SGCD: variants seen among roughly 807,000 people sequenced by gnomAD.
SGCD encodes sarcoglycan delta.
A neutral mutation model predicts 36.6 loss-of-function variants in SGCD; 18 were observed. The ratio of observed to expected loss-of-function variants is 0.49; its 90% CI spans 0.34 to 0.73. The LOEUF is 0.73. Ranked by LOEUF, SGCD falls within the 30% of genes least tolerant of loss-of-function variation. The pLI is 0.01. For missense variants in SGCD, 387 were observed against 346.7 expected, an observed-to-expected ratio of 1.12 and a Z score of -0.92; for synonymous variants, 133 against 130.6, an observed-to-expected ratio of 1.02 and a Z score of -0.12.
intron 3 of SGCD, among the ~76,000 whole-genome samples, chr5:156,264,234 C>A (rs954083459): frequency 6.6e-6 from 1 of 151,982 alleles, no homozygotes. Context: ...TGAAAGTGAA[C>A]CTTCAAGTCC....
chr5:156,534,915 A>G (rs913323578), intron 4 of SGCD, among the ~76,000 whole-genome samples: 11 of 152,190 alleles, frequency 7.2e-5, no homozygotes, highest in African/African-American at 2.7e-4. Context: ...AAAAGTATCA[A>G]TGGATTGGTA....
intron 3 of SGCD, among the ~76,000 whole-genome samples, chr5:156,487,077 G>A (rs529196980): frequency 6.9e-4 from 105 of 152,126 alleles, no homozygotes; most frequent in African/African-American, 2.5e-3. Flanking sequence ...CACCAGAGGT[G>A]GTATATGCTG....
intron 3 of SGCD, among the ~76,000 whole-genome samples, chr5:156,304,636 C>A (rs1232401540): frequency 6.6e-6 from 1 of 152,048 alleles, no homozygotes; most frequent in Non-Finnish European, 1.5e-5. Context: ...TGAAAAGATA[C>A]CCAAAAATGT....
chr5:156,379,381 C>T (rs1470580719), intron 3 of SGCD, among the ~76,000 whole-genome samples: 1 of 152,042 alleles, frequency 6.6e-6, no homozygotes, highest in African/African-American at 2.4e-5. Context: ...CATGTCTGGG[C>T]AGAGAGGATC....
intron 1 of SGCD, among the ~76,000 whole-genome samples, chr5:156,070,746 G>A (rs1284904656): frequency 6.6e-6 from 1 of 152,120 alleles, no homozygotes; most frequent in African/African-American, 2.4e-5. Flanking sequence ...ATTCGGCTGT[G>A]AATCCATCTG....
chr5:155,794,753 C>G, the SGCD span, among the ~76,000 whole-genome samples: 1 of 151,910 alleles, frequency 6.6e-6, no homozygotes, highest in Non-Finnish European at 1.5e-5. Context: ...GTGGCAGAAT[C>G]AATATTCAAA....
chr5:156,609,705 T>C (rs1761684268), intron 6 of SGCD, among the ~76,000 whole-genome samples: 1 of 152,240 alleles, frequency 6.6e-6, no homozygotes, highest in South Asian at 2.1e-4. Context: ...ATTTGGTCTT[T>C]TCACATAGTC....
chr5:156,288,017 A>C (rs919757858), intron 3 of SGCD, among the ~76,000 whole-genome samples: 1 of 152,216 alleles, frequency 6.6e-6, no homozygotes, highest in Non-Finnish European at 1.5e-5. Context: ...GTTAGAATAC[A>C]TTCTCAAAAC....
chr5:155,842,198 A>C, the SGCD span, among the ~76,000 whole-genome samples: 1 of 151,122 alleles, frequency 6.6e-6, no homozygotes, highest in Non-Finnish European at 1.5e-5. Flanking sequence ...ACTTGATCAT[A>C]TGAGCCAGAA....
chr5:156,513,936 CA>C (rs1757047574), intron 4 of SGCD, among the ~76,000 whole-genome samples: 2 of 152,288 alleles, frequency 1.3e-5, no homozygotes, highest in East Asian at 3.9e-4. Context: ...AGCATTCAAC[CA>C]TGACATCCAA....
intron 5 of SGCD, among the ~76,000 whole-genome samples, chr5:156,592,174 T>G (rs1561800774): frequency 7.2e-6 from 1 of 139,542 alleles, no homozygotes; most frequent in South Asian, 2.2e-4. Flanking sequence ...ATGATGATAT[T>G]GCCCAGGTCC....
intron 3 of SGCD, among the ~76,000 whole-genome samples, chr5:156,225,518 A>G (rs2127647894): frequency 6.6e-6 from 1 of 152,244 alleles, no homozygotes; most frequent in Admixed American, 6.6e-5. Flanking sequence ...ACACAGAACC[A>G]TGAAATGGCA....
At chr5:156,152,885 T>C in intron 3 of SGCD, among the ~76,000 whole-genome samples, 1 of 151,450 alleles carries the variant, frequency 6.6e-6, no homozygotes, top group Non-Finnish European at 1.5e-5. Context: ...TCTATGAGTC[T>C]GCTTCTTTTC....
intron 1 of SGCD, among the ~76,000 whole-genome samples, chr5:156,035,203 T>C (rs1759457726): frequency 6.6e-6 from 1 of 152,222 alleles, no homozygotes; most frequent in South Asian, 2.1e-4. Context: ...TTATTCCCTT[T>C]TGTCTTGTGC....
chr5:155,816,704 T>G, the SGCD span, among the ~76,000 whole-genome samples: 2 of 152,112 alleles, frequency 1.3e-5, no homozygotes, highest in African/African-American at 4.8e-5. Context: ...AAGTTGAACA[T>G]GTGAGAGCTT....
chr5:155,894,938 G>A (rs558497593), intron 1 of SGCD, among the ~76,000 whole-genome samples: 10 of 152,248 alleles, frequency 6.6e-5, no homozygotes, highest in Admixed American at 2.6e-4. Flanking sequence ...CTGGTCCATG[G>A]AAAAATTGCC....
chr5:156,068,538 T>G (rs917220322), intron 1 of SGCD, among the ~76,000 whole-genome samples: 4 of 151,838 alleles, frequency 2.6e-5, no homozygotes, highest in Non-Finnish European at 2.9e-5. Context: ...GACATTTGGG[T>G]TGGTTCCAAG....
chr5:156,089,674 C>G (rs1009608523), intron 1 of SGCD, among the ~76,000 whole-genome samples: 3 of 152,120 alleles, frequency 2.0e-5, no homozygotes, highest in Non-Finnish European at 4.4e-5. Context: ...AATGGCATAG[C>G]CTTTGTATTG....
intron 3 of SGCD, among the ~76,000 whole-genome samples, chr5:156,451,761 C>T (rs548203874): frequency 6.6e-6 from 1 of 152,246 alleles, no homozygotes; most frequent in African/African-American, 2.4e-5. Flanking sequence ...CAATATGGTA[C>T]AGGCAATTAC....
Sources: allele counts gnomAD v4.1 joint callset (sites outside exome capture counted in the v4.1 genomes callset), GRCh38; gene constraint gnomAD v4.1.1; transcripts MANE v1.5; gene names NCBI Gene and HGNC (gene_info 2026-07-23, HGNC 2026-07-21).